Variants in LIN54 observed in about 807,000 individuals in gnomAD.
LIN54 encodes the protein protein lin-54 homolog.
In LIN54, 9 loss-of-function variants were observed where a neutral mutation model predicts 78.7. The observed-to-expected ratio is 0.11, with a 90% CI of 0.07 to 0.20. The LOEUF (loss-of-function observed/expected upper bound fraction) is 0.20, where lower values mean the gene tolerates loss of function less well. LIN54 is among the 10% of genes least tolerant of loss of function. The probability of loss-of-function intolerance (pLI) is 1.00; values close to 1 mark genes in which losing one functional copy is unlikely to be tolerated. For missense variants in LIN54, 573 were observed against 889.9 expected (o/e 0.64, Z 4.53); for synonymous variants, 269 against 318.4 (o/e 0.84, Z 1.65).
At chr4:82,958,414 G>A (rs192114040) in intron 4 of LIN54, among the ~76,000 whole-genome samples, 139 of 152,182 alleles carry the variant, frequency 9.1e-4, no homozygotes, top group Non-Finnish European at 1.5e-3. Flanking sequence ...ATACTTCCAG[G>A]TCTGGTTCAT....
chr4:82,937,382 T>C (rs1317252707), intron 8 of LIN54, 84 bp from the exon 9 acceptor site: 4 of 849,400 alleles, frequency 4.7e-6, no homozygotes, highest in Non-Finnish European at 7.2e-6. Context: ...ATTTAAAATT[T>C]AAAAAATTAG....
At chr4:82,944,804 G>C (rs1274052457) in intron 5 of LIN54, 2 of 152,128 alleles carry the variant, frequency 1.3e-5, no homozygotes, top group African/African-American at 4.8e-5. Flanking sequence ...AACTGTAACT[G>C]TGAACAATCA....
chr4:82,987,632 T>G (rs1442882233), intron 1 of LIN54, among the ~76,000 whole-genome samples: 4 of 152,186 alleles, frequency 2.6e-5, no homozygotes, highest in Non-Finnish European at 1.5e-5. Flanking sequence ...CATGCAGTGT[T>G]TGGTTTTCTG....
intron 1 of LIN54, among the ~76,000 whole-genome samples, chr4:82,993,218 C>CTTT (rs200555092): frequency 0.3 from 37,987 of 127,980 alleles, 6,810 homozygotes; most frequent in East Asian, 0.48. Flanking sequence ...TTTCTAGAAT[C>CTTT]TTTTTTTTTT....
In LIN54 at chr4:82,993,866, TC is replaced by T. The variant is rs200457263; in HGVS notation, c.-32-8991del. Reference sequence around the variant, plus strand: ...TCTGATCTCAACTGATCCACCTGCCTCAGCATCCCAAAGTGCTGGGATTACA... The same window carrying T: ...TCTGATCTCAACTGATCCACCTGCCTAGCATCCCAAAGTGCTGGGATTACA... On this transcript the variant is annotated intron_variant, in intron 1 of 12. Coordinates refer to ENST00000340417, the MANE Select transcript of LIN54 (RefSeq NM_194282.4). Among the ~76,000 whole-genome samples, 496 of 152,190 alleles carry T rather than the reference TC, an allele frequency of 3.3e-3. 13 individuals are homozygous for T. Among genetic ancestry groups the T allele is most frequent in the Admixed American group, 0.017 (261 of 15,266 alleles).
At chr4:82,943,607 T>C (rs768216788) in intron 5 of LIN54, among the ~76,000 whole-genome samples, 3 of 151,962 alleles carry the variant, frequency 2.0e-5, no homozygotes, top group Non-Finnish European at 2.9e-5. Flanking sequence ...GAGAAAAATA[T>C]AGATGGATAT....
intron 4 of LIN54, among the ~76,000 whole-genome samples, chr4:82,949,868 T>C (rs1256468106): frequency 7.2e-6 from 1 of 138,450 alleles, no homozygotes; most frequent in East Asian, 2.1e-4. Context: ...TTTTTCCAGA[T>C]GGAGTCTCAC....
intron 1 of LIN54, among the ~76,000 whole-genome samples, chr4:82,985,439 A>G (rs765656166): frequency 2.0e-5 from 3 of 152,214 alleles, no homozygotes; most frequent in Non-Finnish European, 4.4e-5. Context: ...ATTGCAGATC[A>G]AATAGCATTT....
In LIN54 at chr4:82,984,888, G is replaced by T; in HGVS notation, c.-32-12C>A. 6.6e-7 allele frequency: 1 copy of T among 1,515,320 alleles called. No individual in the cohort carries two copies. The highest frequency in any genetic ancestry group is 8.8e-7 in the Non-Finnish European group (1 of 1,132,646). 93.9% of individuals were successfully genotyped at this position (1,515,320 alleles called of 1,614,324 possible). A position where few individuals can be genotyped will look rare whatever the true frequency, so the allele number is the denominator to read the frequency against. On this transcript the variant is annotated splice_polypyrimidine_tract_variant and intron_variant, in intron 1 of 12. Coordinates refer to ENST00000340417, the MANE Select transcript of LIN54 (RefSeq NM_194282.4). ...AAGTTGATCAGGCACTGTAATAAAA[G>T]TTGAAAAATGAACAAGTTACTAGGT...
chr4:83,005,581 T>C (rs1007472465), intron 1 of LIN54, among the ~76,000 whole-genome samples: 6 of 145,370 alleles, frequency 4.1e-5, no homozygotes, highest in African/African-American at 1.5e-4. Context: ...GCCAAGATCA[T>C]GCCACTGCAC....
intron 3 of LIN54, among the ~76,000 whole-genome samples, chr4:82,970,762 T>C (rs1054204878): frequency 2.0e-5 from 3 of 152,230 alleles, no homozygotes; most frequent in African/African-American, 7.2e-5. Flanking sequence ...AACTAAGTAA[T>C]GTGCCCTGTG....
chr4:82,940,601 C>A (rs1722770023), intron 5 of LIN54, among the ~76,000 whole-genome samples: 1 of 152,206 alleles, frequency 6.6e-6, no homozygotes, highest in African/African-American at 2.4e-5. Context: ...CCATGTTGGC[C>A]AGGCTGAACC....
intron 1 of LIN54, among the ~76,000 whole-genome samples, chr4:82,999,917 G>A (rs1280230750): frequency 6.6e-6 from 1 of 151,976 alleles, no homozygotes; most frequent in Non-Finnish European, 1.5e-5. Flanking sequence ...TCTTGAGACA[G>A]GGTCTCACTC....
chr4:82,965,041 T>A (rs1257989689), intron 4 of LIN54, among the ~76,000 whole-genome samples: 2 of 152,022 alleles, frequency 1.3e-5, no homozygotes, highest in African/African-American at 2.4e-5. Flanking sequence ...AAATTTTTTT[T>A]AAAGAAAAAT....
upstream of LIN54, among the ~76,000 whole-genome samples, chr4:83,011,274 T>C (rs896897297): frequency 6.6e-6 from 1 of 152,208 alleles, no homozygotes; most frequent in Non-Finnish European, 1.5e-5. Context: ...GCTATTTCCA[T>C]ATGCATGTTC....
chr4:82,969,950 A>AT (rs11373634), intron 4 of LIN54, among the ~76,000 whole-genome samples: 149,055 of 152,160 alleles, frequency 0.98, 73,088 homozygotes, highest in East Asian at 1. Flanking sequence ...TCAGATCTCC[A>AT]TTTTTTAAAG....
At chr4:82,934,885 T>G (rs1452879940) in intron 11 of LIN54, among the ~76,000 whole-genome samples, 1 of 152,210 alleles carries the variant, frequency 6.6e-6, no homozygotes, top group Non-Finnish European at 1.5e-5. Context: ...ATCACTAGAT[T>G]GTTACACATA....
At chr4:82,987,705 T>C (rs1727294546) in intron 1 of LIN54, among the ~76,000 whole-genome samples, 1 of 152,236 alleles carries the variant, frequency 6.6e-6, no homozygotes, top group Non-Finnish European at 1.5e-5. Context: ...GCAGAGGACA[T>C]GATCTCATTC....
At chr4:82,980,602 C>T (rs193056229) in intron 2 of LIN54, among the ~76,000 whole-genome samples, 47 of 151,996 alleles carry the variant, frequency 3.1e-4, no homozygotes, top group Admixed American at 2.9e-3. Flanking sequence ...TATTTAAAAA[C>T]GGCCGACTTG....
Sources: allele counts gnomAD v4.1 joint callset (sites outside exome capture counted in the v4.1 genomes callset), GRCh38; gene constraint gnomAD v4.1.1; transcripts MANE v1.5; gene names NCBI Gene and HGNC (gene_info 2026-07-23, HGNC 2026-07-21).